ST18: variants seen among roughly 807,000 people sequenced by gnomAD.
The protein encoded by ST18 is ST18 C2H2C-type zinc finger transcription factor, also known as suppression of tumorigenicity 18 protein.
A neutral mutation model predicts 110.0 loss-of-function variants in ST18; 50 were observed. The ratio of observed to expected loss-of-function variants is 0.45; its 90% CI spans 0.36 to 0.58. The LOEUF is 0.58. ST18 is among the 20% of genes least tolerant of loss of function. The pLI, the probability that ST18 is intolerant of heterozygous loss-of-function variation, is 0.00. For synonymous variants in ST18, 461 were observed against 452.4 expected, an observed-to-expected ratio of 1.02 and a Z score of -0.24; for missense variants, 1,306 against 1,280.1, an observed-to-expected ratio of 1.02 and a Z score of -0.31.
intron 2 of ST18, among the ~76,000 whole-genome samples, chr8:52,357,698 TATATATATATATATATATATA>T (rs1823552880): frequency 1.1e-5 from 1 of 91,356 alleles, no homozygotes; most frequent in African/African-American, 4.0e-5. Context: ...TATATATATA[TATATATATATATATATATATA>T]TATATATATA....
intron 2 of ST18, chr8:52,406,116 G>A (rs952416560): frequency 1.3e-5 from 2 of 152,142 alleles, no homozygotes; most frequent in African/African-American, 4.8e-5. Flanking sequence ...TCAAAATAAA[G>A]GGGAAAAAAG....
intron 7 of ST18, among the ~76,000 whole-genome samples, chr8:52,212,918 T>A (rs942330059): frequency 2.0e-5 from 3 of 152,140 alleles, no homozygotes; most frequent in African/African-American, 7.2e-5. Flanking sequence ...GAAGTCAAAA[T>A]AAGAAATTCA....
chr8:52,180,050 C>A (rs754015330), intron 9 of ST18, 72 bp downstream of exon 9: 45 of 1,451,464 alleles, frequency 3.1e-5, no homozygotes, highest in Non-Finnish European at 4.0e-5. Context: ...ACAAACCACA[C>A]ACTCTACATG....
intron 2 of ST18, among the ~76,000 whole-genome samples, chr8:52,371,424 T>C (rs1830232144): frequency 1.3e-5 from 2 of 152,232 alleles, no homozygotes; most frequent in African/African-American, 2.4e-5. Context: ...TGAAGTCATA[T>C]AGGCTTTCAC....
At chr8:52,265,958 C>T (rs114334359) in intron 2 of ST18, among the ~76,000 whole-genome samples, 2,653 of 152,100 alleles carry the variant, frequency 0.017, 66 homozygotes, top group African/African-American at 0.061. Context: ...GGAGGTGACG[C>T]CAGGAGAGGA....
rs146057918 is a variant in ST18, at chr8:52,154,242, C to T, written c.1807-4265G>A. Among the ~76,000 whole-genome samples, 9 of 152,296 alleles carry T rather than the reference C, an allele frequency of 5.9e-5. No individual in the cohort carries two copies. In the South Asian group the frequency reaches 6.2e-4, roughly 11 times the overall value. ...TCAGGGTTCTCACCGCCCAGAGGGCCGCCAGACTTCCTGATACCAGGCGGC... is the reference window on the plus strand; with the variant it reads ...TCAGGGTTCTCACCGCCCAGAGGGCTGCCAGACTTCCTGATACCAGGCGGC... On this transcript the variant is annotated intron_variant, in intron 15 of 25. Coordinates refer to ENST00000689386, the MANE Select transcript of ST18 (RefSeq NM_001352837.2).
intron 6 of ST18, 129 bp from the exon 7 acceptor site, chr8:52,214,386 G>C: frequency 1.1e-6 from 1 of 880,012 alleles, no homozygotes. Flanking sequence ...TCACAGCCCG[G>C]CTCTATAGTA....
At chr8:52,164,722 T>C (rs933716326) in intron 12 of ST18, among the ~76,000 whole-genome samples, 82 of 152,362 alleles carry the variant, frequency 5.4e-4, no homozygotes, top group African/African-American at 1.7e-3. Flanking sequence ...TGATTTATAG[T>C]TACAACCATT....
intron 2 of ST18, chr8:52,407,908 C>T (rs1223437122): frequency 2.0e-5 from 3 of 152,146 alleles, no homozygotes; most frequent in Admixed American, 6.5e-5. Flanking sequence ...GCTCAAGGGC[C>T]TGGATTTCCT....
chr8:52,137,098 T>C (rs1273421754), intron 18 of ST18, among the ~76,000 whole-genome samples: 1 of 152,212 alleles, frequency 6.6e-6, no homozygotes, highest in Non-Finnish European at 1.5e-5. Flanking sequence ...TTGAGGGTAT[T>C]ACTTTTCCTC....
intron 2 of ST18, among the ~76,000 whole-genome samples, chr8:52,278,458 C>T (rs558899921): frequency 3.3e-5 from 5 of 152,254 alleles, no homozygotes; most frequent in African/African-American, 1.2e-4. Context: ...CCTCTGGTTC[C>T]CTGGAGCTCT....
chr8:52,145,993 A>T (rs1409780792), intron 16 of ST18, among the ~76,000 whole-genome samples: 1 of 152,196 alleles, frequency 6.6e-6, no homozygotes, highest in Non-Finnish European at 1.5e-5. Flanking sequence ...TTTTCTGAAA[A>T]TTACCACCAA....
intron 2 of ST18, among the ~76,000 whole-genome samples, chr8:52,323,741 C>T (rs907039978): frequency 6.6e-6 from 1 of 152,200 alleles, no homozygotes; most frequent in Non-Finnish European, 1.5e-5. Flanking sequence ...GAGGGGGAGG[C>T]TGGGTGGGGT....
chr8:52,334,855 A>G (rs1277036469), intron 2 of ST18, among the ~76,000 whole-genome samples: 1 of 152,174 alleles, frequency 6.6e-6, no homozygotes. Flanking sequence ...CCCTTCACCA[A>G]CTGCCCATTC....
At chr8:52,284,822 A>C (rs966174752) in intron 2 of ST18, among the ~76,000 whole-genome samples, 6 of 150,950 alleles carry the variant, frequency 4.0e-5, no homozygotes, top group African/African-American at 9.8e-5. Context: ...GCCACCCCCC[A>C]AAAAAATCAA....
Position 52,339,243 on chromosome 8 carries a change from C to T in ST18, c.-465+70085G>A, listed in dbSNP as rs543329045. On this transcript the variant is annotated intron_variant, in intron 2 of 25. Transcript: ENST00000689386. ...TGAGCCCCAAGAGGCCATTCTCAGTCCTTACTATGTGGACCCCCATCCTCA... is the reference window on the plus strand; with the variant it reads ...TGAGCCCCAAGAGGCCATTCTCAGTTCTTACTATGTGGACCCCCATCCTCA... 3.3e-5 allele frequency among the ~76,000 whole-genome samples: 5 copies of T among 152,242 alleles called. No individual in the cohort carries two copies. In the South Asian group the frequency reaches 8.3e-4, roughly 25 times the overall value.
rs532844944 is a variant in ST18, at chr8:52,394,295, GC to G, written c.-465+15032del. On this transcript the variant is annotated intron_variant, in intron 2 of 25. Transcript: ENST00000689386. ...TGAGTTTTTGGTCTTGCTATAAATTGCCCTTCCCTACTCCAATCTTTCTTAA... is the reference window on the plus strand; with the variant it reads ...TGAGTTTTTGGTCTTGCTATAAATTGCCTTCCCTACTCCAATCTTTCTTAA... 5.0e-3 allele frequency among the ~76,000 whole-genome samples: 757 copies of G among 152,204 alleles called. 5 individuals are homozygous for G. The highest frequency in any genetic ancestry group is 0.011 in the African/African-American group (437 of 41,518).
intron 2 of ST18, among the ~76,000 whole-genome samples, chr8:52,267,841 G>A (rs1232056788): frequency 6.6e-6 from 1 of 152,188 alleles, no homozygotes; most frequent in African/African-American, 2.4e-5. Flanking sequence ...CAGGTCTTGA[G>A]CTGATCTTAG....
intron 8 of ST18, among the ~76,000 whole-genome samples, chr8:52,188,666 A>C (rs1301787285): frequency 6.6e-6 from 1 of 152,210 alleles, no homozygotes. Context: ...AGAAACAAGG[A>C]GCATGGTCAG....
Sources: allele counts gnomAD v4.1 joint callset (sites outside exome capture counted in the v4.1 genomes callset), GRCh38; gene constraint gnomAD v4.1.1; transcripts MANE v1.5; gene names NCBI Gene and HGNC (gene_info 2026-07-23, HGNC 2026-07-21).